MAP3K13: variants seen among roughly 807,000 people sequenced by gnomAD.
MAP3K13 encodes mitogen-activated protein kinase kinase kinase 13, also known as leucine zipper-bearing kinase.
In MAP3K13, 52 loss-of-function variants were observed where a neutral mutation model predicts 104.0. That is an observed-to-expected ratio of 0.50 (90% CI 0.40 to 0.63). The LOEUF (loss-of-function observed/expected upper bound fraction) is 0.63. MAP3K13 is among the 20% of genes least tolerant of loss of function. The probability of loss-of-function intolerance (pLI) is 0.00; values close to 1 mark genes in which losing one functional copy is unlikely to be tolerated. For missense variants in MAP3K13, 914 were observed against 1,218.5 expected (o/e 0.75, Z 3.72); for synonymous variants, 394 against 442.2 (o/e 0.89, Z 1.37).
rs938524818 is a variant in MAP3K13 at position 185,323,817 on chromosome 3, A to G, written c.-86+38174A>G. On this transcript the variant is annotated intron_variant, in intron 2 of 14. Transcript: ENST00000424227. ...GTATGTGTTCATAATTTGATTGCCA[A>G]TTTGCTCTTCAGAGAGGTTCTATCA... 2.6e-5 allele frequency among the ~76,000 whole-genome samples: 4 copies of G among 152,024 alleles called. No homozygotes were observed. In the South Asian group the frequency reaches 6.2e-4, roughly 24 times the overall value.
At chr3:185,464,312 T>C (rs1717284653) in intron 8 of MAP3K13, among the ~76,000 whole-genome samples, 1 of 152,106 alleles carries the variant, frequency 6.6e-6, no homozygotes, top group Admixed American at 6.5e-5. Flanking sequence ...AGATAAGACA[T>C]GTTCACGAAT....
intron 2 of MAP3K13, among the ~76,000 whole-genome samples, chr3:185,353,151 C>G (rs1210753181): frequency 1.3e-5 from 2 of 152,180 alleles, no homozygotes; most frequent in African/African-American, 4.8e-5. Context: ...CCCTCTGTCC[C>G]CTTCATCAGT....
chr3:185,325,077 A>T (rs969966020), intron 2 of MAP3K13, among the ~76,000 whole-genome samples: 2 of 152,212 alleles, frequency 1.3e-5, no homozygotes, highest in Non-Finnish European at 2.9e-5. Flanking sequence ...TGACTGTTCA[A>T]TGTTTATTTA....
chr3:185,463,172 G>A (rs1258283043), intron 7 of MAP3K13, among the ~76,000 whole-genome samples: 2 of 152,208 alleles, frequency 1.3e-5, no homozygotes, highest in East Asian at 1.9e-4. Flanking sequence ...GCACACATAC[G>A]TTTCCATGTG....
At chr3:185,338,617 C>T (rs2108717160) in intron 2 of MAP3K13, among the ~76,000 whole-genome samples, 1 of 152,264 alleles carries the variant, frequency 6.6e-6, no homozygotes, top group South Asian at 2.1e-4. Flanking sequence ...CATTATATAA[C>T]ATTACCCCTA....
At chr3:185,402,973 C>T (rs1230207926) in intron 1 of MAP3K13, among the ~76,000 whole-genome samples, 2 of 152,118 alleles carry the variant, frequency 1.3e-5, no homozygotes, top group Non-Finnish European at 2.9e-5. Flanking sequence ...CTAGATATAT[C>T]TGACGCATGC....
chr3:185,321,424 C>T (rs1034204386), intron 2 of MAP3K13, among the ~76,000 whole-genome samples: 1 of 152,154 alleles, frequency 6.6e-6, no homozygotes, highest in African/African-American at 2.4e-5. Flanking sequence ...TAAGCTCTAG[C>T]TACAGACATA....
At chr3:185,417,718 G>T in intron 1 of MAP3K13, 2 of 1,611,886 alleles carry the variant, frequency 1.2e-6, no homozygotes, top group Non-Finnish European at 1.7e-6. Context: ...TGCAGCAGCT[G>T]CCTTATCCAC....
At chr3:185,387,008 C>T (rs1420076227) in intron 1 of MAP3K13, among the ~76,000 whole-genome samples, 3 of 152,168 alleles carry the variant, frequency 2.0e-5, no homozygotes, top group East Asian at 3.9e-4. Context: ...CCATGGCACA[C>T]ATTTACCTAT....
chr3:185,379,851 G>A (rs1383120019), intron 1 of MAP3K13, among the ~76,000 whole-genome samples: 7 of 152,140 alleles, frequency 4.6e-5, no homozygotes, highest in East Asian at 3.9e-4. Context: ...AGTGTGGTCC[G>A]GGGACCAGGA....
At chr3:185,402,902 G>A (rs1712898298) in intron 1 of MAP3K13, among the ~76,000 whole-genome samples, 1 of 152,044 alleles carries the variant, frequency 6.6e-6, no homozygotes, top group Non-Finnish European at 1.5e-5. Context: ...TTCCCCCCTG[G>A]CTGAACTGCT....
At chr3:185,475,932 G>C (rs1240100522) in intron 11 of MAP3K13, among the ~76,000 whole-genome samples, 1 of 152,102 alleles carries the variant, frequency 6.6e-6, no homozygotes, top group African/African-American at 2.4e-5. Context: ...TTCCAACTCC[G>C]ATGGCCAGTA....
At chr3:185,289,343 T>G (rs1720649640) in intron 2 of MAP3K13, among the ~76,000 whole-genome samples, 1 of 152,136 alleles carries the variant, frequency 6.6e-6, no homozygotes, top group South Asian at 2.1e-4. Flanking sequence ...CCTAAAAACT[T>G]TTTTATAGTG....
At chr3:185,465,984 T>G in intron 9 of MAP3K13, 121 bp downstream of exon 9, 2 of 761,096 alleles carry the variant, frequency 2.6e-6, no homozygotes, top group East Asian at 2.6e-5. Flanking sequence ...TCACCCAACA[T>G]TCCTTCCGGG....
At chr3:185,397,830 C>G (rs1054003050) in intron 1 of MAP3K13, among the ~76,000 whole-genome samples, 1 of 152,102 alleles carries the variant, frequency 6.6e-6, no homozygotes, top group Admixed American at 6.6e-5. Flanking sequence ...ATATTCCTGT[C>G]AGGCGTTGGT....
intron 2 of MAP3K13, among the ~76,000 whole-genome samples, chr3:185,288,378 C>CAT (rs1438872618): frequency 1.3e-5 from 2 of 150,716 alleles, no homozygotes; most frequent in East Asian, 3.9e-4. Flanking sequence ...ATATTACATA[C>CAT]ATATATATGT....
At position 185,377,950 on chromosome 3, in the gene MAP3K13, C is replaced by T. The variant is rs551447207; in HGVS notation, c.-86+14582C>T. ...ATGGCTTGGGAGGAATCCCGGGCTG[C>T]GGGCATTCCTTGGCCCAGTGGCCAG... On this transcript the variant is annotated intron_variant, in intron 1 of 13. Coordinates refer to ENST00000265026, the MANE Select transcript of MAP3K13 (RefSeq NM_004721.5). 4.6e-5 allele frequency among the ~76,000 whole-genome samples: 7 copies of T among 152,068 alleles called. No homozygotes were observed. In the Middle Eastern group the frequency reaches 0.01, roughly 222 times the overall value.
chr3:185,437,020 AAAAAAAAAAAAAT>A (rs1355807012), intron 2 of MAP3K13, among the ~76,000 whole-genome samples: 3 of 150,444 alleles, frequency 2.0e-5, no homozygotes, highest in Admixed American at 2.0e-4. Context: ...AAAAAAAAAA[AAAAAAAAAAAAAT>A]TAGCAAAGAT....
intron 1 of MAP3K13, among the ~76,000 whole-genome samples, chr3:185,364,684 A>G (rs1451084614): frequency 1.3e-5 from 2 of 152,250 alleles, no homozygotes; most frequent in South Asian, 4.1e-4. Context: ...TCTCATCTTG[A>G]TATTACCGTC....
Sources: allele counts gnomAD v4.1 joint callset (sites outside exome capture counted in the v4.1 genomes callset), GRCh38; gene constraint gnomAD v4.1.1; transcripts MANE v1.5; gene names NCBI Gene and HGNC (gene_info 2026-07-23, HGNC 2026-07-21).